Variants in NAPEPLD observed in about 807,000 individuals in gnomAD.
The protein encoded by NAPEPLD is N-acyl-phosphatidylethanolamine-hydrolyzing phospholipase D.
A neutral mutation model predicts 38.1 loss-of-function variants in NAPEPLD; 23 were observed. The observed-to-expected ratio is 0.60, with a 90% CI of 0.43 to 0.86. The LOEUF (loss-of-function observed/expected upper bound fraction) is 0.86. NAPEPLD is among the 40% of genes least tolerant of loss of function. The pLI, the probability that NAPEPLD is intolerant of heterozygous loss-of-function variation, is 0.00. For synonymous variants in NAPEPLD, 147 were observed against 162.0 expected (o/e 0.91, Z 0.71); for missense variants, 411 against 476.8 (o/e 0.86, Z 1.28).
chr7:103,115,222 T>C, intron 3 of NAPEPLD, 48 bp from the exon 4 acceptor site: 1 of 1,347,554 alleles, frequency 7.4e-7, no homozygotes, highest in Non-Finnish European at 1.0e-6. Flanking sequence ...AGATATACAC[T>C]AAATTCTAAA....
In NAPEPLD at chr7:103,100,641, T is replaced by C. The variant is rs2129525232; in HGVS notation, c.*2788A>G. 1 of 152,346 alleles carries C rather than the reference T, an allele frequency of 6.6e-6. No individual in the cohort carries two copies. Among genetic ancestry groups the C allele is most frequent in the South Asian group, 2.1e-4 (1 of 4,828 alleles). The allele number at this position is 152,346 out of a possible 1,614,324, so 9.4% of individuals were successfully genotyped here. A position where few individuals can be genotyped will look rare whatever the true frequency, so the allele number is the denominator to read the frequency against. ...AAAATCTTACATATTGCTATGGGTA[T>C]TCACGAAGAGGAAAATGAAGTTGAC... On this transcript the variant is annotated 3_prime_UTR_variant, in exon 5 of 5. Coordinates refer to ENST00000465647, the MANE Select transcript of NAPEPLD (RefSeq NM_001122838.3).
rs1356930470 is a variant in NAPEPLD, at chr7:103,149,018, G to A, written c.-224C>T. 4.1e-6 allele frequency: 4 copies of A among 985,420 alleles called. No individual in the cohort carries two copies. The highest frequency in any genetic ancestry group is 1.1e-4 in the East Asian group (1 of 8,800). 61.0% of individuals were successfully genotyped at this position (985,420 alleles called of 1,614,324 possible). On this transcript the variant is annotated 5_prime_UTR_variant, in exon 1 of 5. Coordinates refer to ENST00000465647, the MANE Select transcript of NAPEPLD (RefSeq NM_001122838.3). ...ACAAGTGCGGCATCTCCGAGATGAG[G>A]GAGGGCTCGGGGACGGGAAACCCAC...
intron 4 of NAPEPLD, among the ~76,000 whole-genome samples, chr7:103,106,733 A>AAC (rs1487909583): frequency 6.6e-6 from 1 of 151,212 alleles, no homozygotes; most frequent in East Asian, 1.9e-4. Context: ...ATCTCTAAAA[A>AAC]AAAAAGGCAG....
chr7:103,142,993 G>A (rs1421034632), intron 1 of NAPEPLD, among the ~76,000 whole-genome samples: 3 of 152,014 alleles, frequency 2.0e-5, no homozygotes, highest in African/African-American at 7.3e-5. Flanking sequence ...GGAGGCCAAG[G>A]CAGGCAGATC....
chr7:103,118,270 A>G (rs2129528515), intron 3 of NAPEPLD, among the ~76,000 whole-genome samples: 1 of 152,334 alleles, frequency 6.6e-6, no homozygotes, highest in East Asian at 1.9e-4. Flanking sequence ...TAACAGTTCT[A>G]AAAATATATA....
rs927672476 is a variant in NAPEPLD, at chr7:103,101,159, G to C, written c.*2270C>G. 1 of 152,188 alleles carries C rather than the reference G, an allele frequency of 6.6e-6. No homozygotes were observed. The highest frequency in any genetic ancestry group is 1.5e-5 in the Non-Finnish European group (1 of 68,036). 9.4% of individuals were successfully genotyped at this position (152,188 alleles called of 1,614,324 possible). On this transcript the variant is annotated 3_prime_UTR_variant, in exon 5 of 5. Transcript: ENST00000465647. ...AATATGGCTACAACAACGCTGGCTAGTATTAGGGCAACACACCTCAAAGCT... is the reference window on the plus strand; with the variant it reads ...AATATGGCTACAACAACGCTGGCTACTATTAGGGCAACACACCTCAAAGCT...
intron 1 of NAPEPLD, among the ~76,000 whole-genome samples, chr7:103,141,175 A>G (rs1368696189): frequency 6.6e-6 from 1 of 150,408 alleles, no homozygotes; most frequent in Non-Finnish European, 1.5e-5. Flanking sequence ...TCCCTAGATC[A>G]TTTCCAGTCC....
intron 4 of NAPEPLD, among the ~76,000 whole-genome samples, chr7:103,107,617 T>G (rs115298990): frequency 6.6e-6 from 1 of 151,816 alleles, no homozygotes; most frequent in Non-Finnish European, 1.5e-5. Flanking sequence ...ACAGTATCAA[T>G]AGCCGAATCG....
At chr7:103,146,408 T>G (rs1812573008) in intron 1 of NAPEPLD, among the ~76,000 whole-genome samples, 1 of 152,126 alleles carries the variant, frequency 6.6e-6, no homozygotes, top group Non-Finnish European at 1.5e-5. Context: ...GCTTGGTGTT[T>G]CTCTATTCAT....
At chr7:103,120,732 G>A (rs1350742811) in intron 2 of NAPEPLD, among the ~76,000 whole-genome samples, 1 of 12,024 alleles carries the variant, frequency 8.3e-5, no homozygotes. Flanking sequence ...TTTTTTGTCT[G>A]AGACAGGCTC....
intron 1 of NAPEPLD, 121 bp from the exon 2 acceptor site, chr7:103,128,913 T>C (rs1808377365): frequency 3.8e-6 from 4 of 1,045,216 alleles, no homozygotes; most frequent in Non-Finnish European, 5.4e-6. Context: ...ATGTCTGTAT[T>C]AGCTGAAACT....
chr7:103,147,954 CT>C, intron 1 of NAPEPLD: 1 of 975,546 alleles, frequency 1.0e-6, no homozygotes, highest in Non-Finnish European at 1.2e-6. Context: ...TAAATAAGTA[CT>C]TTTACCCTAA....
intron 1 of NAPEPLD, among the ~76,000 whole-genome samples, chr7:103,129,807 C>T (rs903211202): frequency 1.3e-5 from 2 of 152,166 alleles, no homozygotes; most frequent in Admixed American, 6.5e-5. Context: ...CGTTACTTCC[C>T]TCCTAGGTTT....
intron 2 of NAPEPLD, chr7:103,128,150 T>C: frequency 7.0e-6 from 2 of 284,418 alleles, no homozygotes; most frequent in African/African-American, 4.4e-5. Context: ...ATCATCTACC[T>C]GGAAAATCAC....
chr7:103,116,132 GCT>G (rs1805522840), intron 3 of NAPEPLD, among the ~76,000 whole-genome samples: 1 of 151,910 alleles, frequency 6.6e-6, no homozygotes, highest in African/African-American at 2.4e-5. Context: ...CGCGATCCCA[GCT>G]CACTGCAACC....
chr7:103,124,847 C>G (rs1244380622), intron 2 of NAPEPLD, among the ~76,000 whole-genome samples: 1 of 152,038 alleles, frequency 6.6e-6, no homozygotes, highest in African/African-American at 2.4e-5. Context: ...AGGTAAGTAC[C>G]CAATCAGGAG....
chr7:103,140,478 C>T (rs12667116), intron 1 of NAPEPLD, among the ~76,000 whole-genome samples: 75,040 of 148,544 alleles, frequency 0.51, 22,428 homozygotes, highest in Non-Finnish European at 0.66. Flanking sequence ...CTGCAAGCTC[C>T]GCCTCCCGGG....
At chr7:103,143,202 G>C (rs893346176) in intron 1 of NAPEPLD, among the ~76,000 whole-genome samples, 17 of 152,124 alleles carry the variant, frequency 1.1e-4, no homozygotes, top group Admixed American at 1.1e-3. Flanking sequence ...ACTCCAGCCT[G>C]GGTGACAGAG....
rs1460544666 is a variant in NAPEPLD, at chr7:103,103,287, T to C, written c.*142A>G. ...CTGATCATACTAGGAAGCAAGTTATTACACAAAACATAAAACATAAACTTG... is the reference window on the plus strand; with the variant it reads ...CTGATCATACTAGGAAGCAAGTTATCACACAAAACATAAAACATAAACTTG... On this transcript the variant is annotated 3_prime_UTR_variant, in exon 5 of 5. Coordinates refer to ENST00000465647, the MANE Select transcript of NAPEPLD (RefSeq NM_001122838.3). 2 of 1,046,778 alleles carry C rather than the reference T, an allele frequency of 1.9e-6. No individual in the cohort carries two copies. Among genetic ancestry groups the C allele is most frequent in the East Asian group, 2.6e-5 (1 of 38,126 alleles). 64.8% of individuals were successfully genotyped at this position (1,046,778 alleles called of 1,614,324 possible).
Sources: allele counts gnomAD v4.1 joint callset (sites outside exome capture counted in the v4.1 genomes callset), GRCh38; gene constraint gnomAD v4.1.1; transcripts MANE v1.5; gene names NCBI Gene and HGNC (gene_info 2026-07-23, HGNC 2026-07-21).